The following ALKBH5 variants were observed in gnomAD, a reference collection of about 807,000 sequenced individuals.
ALKBH5 encodes RNA demethylase ALKBH5.
ALKBH5 carries 2 observed loss-of-function variants against 32.1 expected under a neutral mutation model. The observed-to-expected ratio is 0.06, with a 90% CI of 0.03 to 0.20. ALKBH5 has a LOEUF of 0.20. Ranked by LOEUF, ALKBH5 falls within the 10% of genes least tolerant of loss-of-function variation. ALKBH5 has a pLI of 1.00. For missense variants in ALKBH5, 352 were observed against 559.5 expected, an observed-to-expected ratio of 0.63 and a Z score of 3.74; for synonymous variants, 300 against 231.7, an observed-to-expected ratio of 1.29 and a Z score of -2.68.
At chr17:18,198,030 C>CTT (rs2047214152) in intron 2 of ALKBH5, among the ~76,000 whole-genome samples, 1 of 152,214 alleles carries the variant, frequency 6.6e-6, no homozygotes, top group Admixed American at 6.5e-5. Flanking sequence ...ACCTTCTCAT[C>CTT]TAACATGTTC....
At chr17:18,185,544 A>G (rs1409444703) in intron 1 of ALKBH5, among the ~76,000 whole-genome samples, 1 of 152,158 alleles carries the variant, frequency 6.6e-6, no homozygotes, top group East Asian at 1.9e-4. Flanking sequence ...ACTTCCCTGG[A>G]GTTGAACAGA....
intron 1 of ALKBH5, among the ~76,000 whole-genome samples, chr17:18,193,619 G>A (rs2047190311): frequency 6.6e-6 from 1 of 152,148 alleles, no homozygotes; most frequent in African/African-American, 2.4e-5. Flanking sequence ...TTCCAAATCA[G>A]AGGTGCTTCC....
At chr17:18,186,110 C>CT (rs1308046631) in intron 1 of ALKBH5, among the ~76,000 whole-genome samples, 2 of 152,198 alleles carry the variant, frequency 1.3e-5, no homozygotes, top group East Asian at 1.9e-4. Context: ...TCATTTGAGT[C>CT]TAACAGCTGA....
Position 18,208,826 on chromosome 17 carries a change from C to T in ALKBH5, c.*430C>T. On this transcript the variant is annotated 3_prime_UTR_variant, in exon 4 of 4. Transcript: ENST00000399138. ...GTTCAGTCTTCTGCTCGCCCCTTTC[C>T]CTCACTGATGTCTGCACTTGGTTGA... 3.3e-6 allele frequency: 1 copy of T among 302,112 alleles called. No individual in the cohort carries two copies. Among genetic ancestry groups the T allele is most frequent in the East Asian group, 9.4e-5 (1 of 10,658 alleles). The allele number at this position is 302,112 out of a possible 1,614,324, so 18.7% of individuals were successfully genotyped here.
At chr17:18,193,790 G>A (rs903191751) in intron 1 of ALKBH5, among the ~76,000 whole-genome samples, 2 of 152,188 alleles carry the variant, frequency 1.3e-5, no homozygotes, top group Non-Finnish European at 2.9e-5. Flanking sequence ...TAGCCTTTGA[G>A]AAGGGAGCTG....
intron 2 of ALKBH5, among the ~76,000 whole-genome samples, chr17:18,200,275 A>G (rs567775943): frequency 6.6e-6 from 1 of 152,086 alleles, no homozygotes; most frequent in African/African-American, 2.4e-5. Context: ...GAGGAATGAA[A>G]GAGGGAAGGA....
intron 2 of ALKBH5, among the ~76,000 whole-genome samples, chr17:18,201,918 G>A (rs186671245): frequency 2.0e-5 from 3 of 152,216 alleles, no homozygotes; most frequent in Admixed American, 1.3e-4. Flanking sequence ...GCGAGCCTGA[G>A]GCAGGAGGAT....
At position 18,184,342 on chromosome 17, in the gene ALKBH5, T is replaced by TGCCGCAGCC. The variant is rs758262670; in HGVS notation, c.104_112dup (p.Ala35_Ala37dup). ...CGGGCAGCCGGGAGGCCGCCGCCGCTGCCGCAGCCGCCGTAGCCGCCGCAG... is the reference window on the plus strand; with the variant it reads ...CGGGCAGCCGGGAGGCCGCCGCCGCTGCCGCAGCCGCCGCAGCCGCCGTAGCCGCCGCAG... On this transcript the variant is annotated inframe_insertion, in exon 1 of 4. Transcript: ENST00000399138. The TGCCGCAGCC allele has an allele frequency of 1.5e-5, 22 of 1,511,880 alleles. No individual in the cohort carries two copies. Among genetic ancestry groups the TGCCGCAGCC allele is most frequent in the Non-Finnish European group, 1.7e-5 (19 of 1,134,136 alleles). The allele number at this position is 1,511,880 out of a possible 1,614,324, so 93.7% of individuals were successfully genotyped here.
At chr17:18,206,670 C>T (rs1334408016) in intron 2 of ALKBH5, 145 bp from the exon 3 acceptor site, 4 of 843,868 alleles carry the variant, frequency 4.7e-6, no homozygotes, top group African/African-American at 1.7e-5. Flanking sequence ...TCTAGTTGAA[C>T]CTCAAGGAGA....
At chr17:18,186,457 C>A (rs1597835600) in intron 1 of ALKBH5, among the ~76,000 whole-genome samples, 1 of 152,248 alleles carries the variant, frequency 6.6e-6, no homozygotes, top group Non-Finnish European at 1.5e-5. Flanking sequence ...CATTTGGTCT[C>A]TTAGCGGGAT....
chr17:18,189,467 G>A (rs569453721), intron 1 of ALKBH5, among the ~76,000 whole-genome samples: 10 of 152,310 alleles, frequency 6.6e-5, no homozygotes, highest in Non-Finnish European at 1.2e-4. Context: ...TAGCTCTCTG[G>A]GGGATATAGG....
intron 1 of ALKBH5, among the ~76,000 whole-genome samples, chr17:18,191,116 C>T (rs2047171843): frequency 1.3e-5 from 2 of 152,184 alleles, no homozygotes; most frequent in South Asian, 2.1e-4. Context: ...GCAAGCTGGC[C>T]GACTGAGACT....
At chr17:18,204,896 CA>C (rs373973808) in intron 2 of ALKBH5, among the ~76,000 whole-genome samples, 21 of 149,812 alleles carry the variant, frequency 1.4e-4, no homozygotes, top group African/African-American at 4.9e-4. Context: ...CCTGTCTCGC[CA>C]AAAAAAAACC....
chr17:18,184,165 C>A lies in ALKBH5; in HGVS notation c.-79C>A. The A allele has an allele frequency of 7.8e-7, 1 of 1,286,684 alleles. No individual in the cohort carries two copies. Among genetic ancestry groups the A allele is most frequent in the African/African-American group, 1.6e-5 (1 of 63,890 alleles). The allele number at this position is 1,286,684 out of a possible 1,614,324, so 79.7% of individuals were successfully genotyped here. A position where few individuals can be genotyped will look rare whatever the true frequency, so the allele number is the denominator to read the frequency against. ...CTAAGGACCCCCCTCCCTCCGGGGG[C>A]CCCGGGGCGCGTCCCCTTAGAGCCA... is the stretch of plus-strand genomic sequence containing the variant. On this transcript the variant is annotated 5_prime_UTR_variant, in exon 1 of 4. Transcript: ENST00000399138.
intron 2 of ALKBH5, among the ~76,000 whole-genome samples, chr17:18,201,281 T>C (rs549878075): frequency 1.3e-5 from 2 of 152,354 alleles, no homozygotes; most frequent in African/African-American, 4.8e-5. Flanking sequence ...CCTGCCCTTT[T>C]GGCAGCCTGA....
chr17:18,189,694 TG>T (rs2047162117), intron 1 of ALKBH5, among the ~76,000 whole-genome samples: 1 of 152,248 alleles, frequency 6.6e-6, no homozygotes, highest in Non-Finnish European at 1.5e-5. Context: ...TTAAGCTTTT[TG>T]AGGCCTCAGT....
chr17:18,186,272 T>C (rs1023297516), intron 1 of ALKBH5, among the ~76,000 whole-genome samples: 2 of 152,192 alleles, frequency 1.3e-5, no homozygotes, highest in Admixed American at 6.5e-5. Context: ...TGCCTTCTTA[T>C]AATGGGCTTC....
At chr17:18,191,913 C>T (rs2047177164) in intron 1 of ALKBH5, among the ~76,000 whole-genome samples, 1 of 151,338 alleles carries the variant, frequency 6.6e-6, no homozygotes, top group Non-Finnish European at 1.5e-5. Flanking sequence ...CATGCCACTG[C>T]ACTCCAGCCT....
chr17:18,190,866 A>G (rs1178720296), intron 1 of ALKBH5, among the ~76,000 whole-genome samples: 1 of 152,180 alleles, frequency 6.6e-6, no homozygotes, highest in Non-Finnish European at 1.5e-5. Context: ...AAAAGAGGAG[A>G]TAGACATGTC....
Sources: gnomAD v4.1 joint callset for allele counts (sites outside exome capture counted in the v4.1 genomes callset) on GRCh38, gnomAD v4.1.1 for gene constraint, MANE v1.5 for transcripts, NCBI Gene and HGNC (gene_info 2026-07-23, HGNC 2026-07-21) for gene names.